The following SYNE2 variants were observed in gnomAD, a reference collection of about 807,000 sequenced individuals.
SYNE2 encodes nesprin-2.
A neutral mutation model predicts 856.3 loss-of-function variants in SYNE2; 431 were observed. The ratio of observed to expected loss-of-function variants is 0.50; its 90% confidence interval spans 0.47 to 0.55. The LOEUF (loss-of-function observed/expected upper bound fraction) is 0.55, where lower values mean the gene tolerates loss of function less well. Ranked by LOEUF, SYNE2 falls within the 20% of genes least tolerant of loss-of-function variation. The probability of loss-of-function intolerance (pLI) is 0.00; values close to 1 mark genes in which losing one functional copy is unlikely to be tolerated. For synonymous variants in SYNE2, 2,923 were observed against 2,872.3 expected (o/e 1.02, Z -0.56); for missense variants, 8,129 against 8,023.2 (o/e 1.01, Z -0.50).
At chr14:63,767,750 A>T (rs1028595239) in intron 1 of SYNE2, among the ~76,000 whole-genome samples, 2 of 152,036 alleles carry the variant, frequency 1.3e-5, no homozygotes, top group African/African-American at 4.8e-5. Context: ...CTCATATTCT[A>T]TCTTTTTGTA....
chr14:63,828,537 G>T (rs534556382), intron 1 of SYNE2, among the ~76,000 whole-genome samples: 2 of 152,044 alleles, frequency 1.3e-5, no homozygotes, highest in Non-Finnish European at 2.9e-5. Flanking sequence ...ACTTTGGGAG[G>T]CTGAGGTGGG....
chr14:64,184,643 C>A (rs1282952824), intron 96 of SYNE2, among the ~76,000 whole-genome samples: 1 of 152,150 alleles, frequency 6.6e-6, no homozygotes, highest in Admixed American at 6.5e-5. Flanking sequence ...AAGTGGTACA[C>A]CTCAGCTGGC....
chr14:63,914,527 G>A (rs2095512301), intron 2 of SYNE2, among the ~76,000 whole-genome samples: 1 of 152,186 alleles, frequency 6.6e-6, no homozygotes, highest in African/African-American at 2.4e-5. Context: ...AGGGTGGAAA[G>A]TAGTTGGAGA....
At chr14:64,087,877 T>C (rs2097575697) in intron 58 of SYNE2, 21 bp downstream of exon 58, 2 of 1,612,764 alleles carry the variant, frequency 1.2e-6, no homozygotes. Flanking sequence ...ACCATTCATT[T>C]AATCATTCAG....
intron 93 of SYNE2, 125 bp from the exon 94 acceptor site, chr14:64,170,103 G>C (rs1288784521): frequency 3.3e-6 from 3 of 896,792 alleles, no homozygotes; most frequent in Non-Finnish European, 5.4e-6. Flanking sequence ...CAGGTGTTTA[G>C]AAGTTGGGAT....
chr14:64,107,476 T>C lies in SYNE2; in HGVS notation c.12493-15T>C, dbSNP rs1441965351. On this transcript the variant is annotated splice_polypyrimidine_tract_variant and intron_variant, in intron 64 of 115. Transcript: ENST00000555002. ...GGCAGGACCCTTTCTGGAGCTCTGA[T>C]TCTTTTCTTTACAGGAAGCATATGG... The C allele has an allele frequency of 6.2e-7, 1 of 1,608,962 alleles. No individual in the cohort carries two copies. Among genetic ancestry groups the C allele is most frequent in the Non-Finnish European group, 8.5e-7 (1 of 1,175,278 alleles).
intron 1 of SYNE2, among the ~76,000 whole-genome samples, chr14:63,796,328 A>G (rs1333784772): frequency 6.6e-6 from 1 of 152,154 alleles, no homozygotes; most frequent in East Asian, 1.9e-4. Context: ...GCATGGTGGC[A>G]CACACCTGTT....
intron 82 of SYNE2, 57 bp from the exon 83 acceptor site, chr14:64,143,715 C>A: frequency 6.3e-7 from 1 of 1,589,680 alleles, no homozygotes; most frequent in African/African-American, 1.3e-5. Flanking sequence ...AAAGGGAAAT[C>A]CATTTGATCT....
At chr14:63,888,006 G>A (rs2095038043) in intron 1 of SYNE2, among the ~76,000 whole-genome samples, 1 of 152,034 alleles carries the variant, frequency 6.6e-6, no homozygotes. Flanking sequence ...GCCCGCCTTG[G>A]CCTCCCAAAG....
At chr14:63,891,286 C>A (rs116803517) in intron 1 of SYNE2, among the ~76,000 whole-genome samples, 2 of 152,106 alleles carry the variant, frequency 1.3e-5, no homozygotes, top group East Asian at 3.9e-4. Context: ...AAATGTGGCA[C>A]GAGGAGGCGG....
At chr14:64,126,199 C>T (rs545975503) in intron 71 of SYNE2, 128 bp from the exon 72 acceptor site, 2 of 785,738 alleles carry the variant, frequency 2.5e-6, no homozygotes, top group African/African-American at 1.7e-5. Context: ...GTTCACAAAG[C>T]GTTTGAAGCA....
At chr14:64,037,862 C>A (rs1166150284) in intron 45 of SYNE2, among the ~76,000 whole-genome samples, 2 of 150,514 alleles carry the variant, frequency 1.3e-5, no homozygotes, top group Non-Finnish European at 3.0e-5. Context: ...CCACCTCCCT[C>A]CCGGACGGGG....
At position 64,223,187 on chromosome 14, in the gene SYNE2, A is replaced by G. The variant is rs1178005645; in HGVS notation, c.20191-2A>G. 1 of 1,613,482 alleles carries G rather than the reference A, an allele frequency of 6.2e-7. No homozygotes were observed. Among genetic ancestry groups the G allele is most frequent in the Non-Finnish European group, 8.5e-7 (1 of 1,179,810 alleles). On this transcript the variant is annotated splice_acceptor_variant, in intron 112 of 115. Transcript: ENST00000555002. LOFTEE classifies it high-confidence loss of function. ...TGTTTCACACACTTTATCTGTTTTC[A>G]GCAACTGGAAAAGGAGCTGGTAGAA...
intron 33 of SYNE2, among the ~76,000 whole-genome samples, chr14:64,016,862 A>G (rs558560630): frequency 6.6e-6 from 1 of 152,306 alleles, no homozygotes; most frequent in South Asian, 2.1e-4. Flanking sequence ...GTTCTTTAAT[A>G]TATTGCCTGT....
intron 2 of SYNE2, among the ~76,000 whole-genome samples, chr14:63,937,733 G>C (rs2095851068): frequency 6.6e-6 from 1 of 152,224 alleles, no homozygotes; most frequent in African/African-American, 2.4e-5. Context: ...GGTTTCTCCA[G>C]CCACATTCAG....
chr14:64,029,067 T>C (rs1187697595), intron 43 of SYNE2, among the ~76,000 whole-genome samples: 2 of 151,890 alleles, frequency 1.3e-5, no homozygotes, highest in East Asian at 1.9e-4. Context: ...ACCCAGGAGG[T>C]AGAGGTTGCA....
Position 64,140,322 on chromosome 14 carries a change from G to A in SYNE2, c.14976+249G>A, listed in dbSNP as rs549055081. Among the ~76,000 whole-genome samples the A allele has an allele frequency of 3.9e-5, 6 of 152,304 alleles. No homozygotes were observed. In the South Asian group the frequency reaches 1.0e-3, roughly 26 times the overall value. The stretch of plus-strand genomic sequence containing the variant: ...ACTTGCGCCAGGTGCAGTGGCTCAC[G>A]CCTGTAATCCCAGCACTTTGGGAGG... On this transcript the variant is annotated intron_variant, in intron 80 of 115. Coordinates refer to ENST00000555002, the MANE Select transcript of SYNE2 (RefSeq NM_182914.3).
At chr14:64,086,954 C>T (rs1245289208) in intron 57 of SYNE2, among the ~76,000 whole-genome samples, 3 of 151,746 alleles carry the variant, frequency 2.0e-5, no homozygotes, top group Non-Finnish European at 2.9e-5. Flanking sequence ...AGGTGATCCA[C>T]CCACCTCAGC....
chr14:64,007,854 T>TA (rs1434349070), intron 31 of SYNE2, among the ~76,000 whole-genome samples: 1 of 152,050 alleles, frequency 6.6e-6, no homozygotes, highest in East Asian at 1.9e-4. Context: ...CTAAAAAACA[T>TA]AAAAAAAGTA....
Sources: gnomAD v4.1 joint callset for allele counts (sites outside exome capture counted in the v4.1 genomes callset) on GRCh38, gnomAD v4.1.1 for gene constraint, MANE v1.5 for transcripts, NCBI Gene and HGNC (gene_info 2026-07-23, HGNC 2026-07-21) for gene names.